Variants in CDH2 observed in about 807,000 individuals in gnomAD.
The protein encoded by CDH2 is cadherin-2.
In CDH2, 17 loss-of-function variants were observed where a neutral mutation model predicts 92.0. The observed-to-expected ratio is 0.18, with a 90% CI of 0.13 to 0.28. The LOEUF (loss-of-function observed/expected upper bound fraction) is 0.28. CDH2 is among the 10% of genes least tolerant of loss of function. The pLI, the probability that CDH2 is intolerant of heterozygous loss-of-function variation, is 1.00. For synonymous variants in CDH2, 419 were observed against 415.9 expected (o/e 1.01, Z -0.09); for missense variants, 862 against 1,133.1 (o/e 0.76, Z 3.44).
intron 2 of CDH2, among the ~76,000 whole-genome samples, chr18:28,105,265 AC>A (rs1223408163): frequency 3.9e-5 from 6 of 152,216 alleles, no homozygotes; most frequent in Non-Finnish European, 7.3e-5. Flanking sequence ...AATATAGATA[AC>A]CTTCCATGAC....
chr18:28,043,475 TATATATATATATATATATAA>T (rs1225093485), intron 2 of CDH2, among the ~76,000 whole-genome samples: 1,984 of 77,310 alleles, frequency 0.026, 41 homozygotes, highest in African/African-American at 0.071. Context: ...TATATATATA[TATATATATATATATATATAA>T]ATATATATAT....
intron 2 of CDH2, among the ~76,000 whole-genome samples, chr18:28,123,182 C>T (rs1287761030): frequency 6.6e-6 from 1 of 152,058 alleles, no homozygotes; most frequent in African/African-American, 2.4e-5. Context: ...AAAAGTCTCA[C>T]TAAAAGCAAA....
rs749470298 is a variant in CDH2, at chr18:27,993,481, AG to A, written c.1158+18del. 4.4e-6 allele frequency: 7 copies of A among 1,606,670 alleles called. No individual in the cohort carries two copies. Among genetic ancestry groups the A allele is most frequent in the African/African-American group, 1.3e-5 (1 of 74,708 alleles). On this transcript the variant is annotated intron_variant, in intron 8 of 15. Coordinates refer to ENST00000269141, the MANE Select transcript of CDH2 (RefSeq NM_001792.5). ...CGAACTACAGACCCAAAGTTGTGTGAGTGACAGGCTGTACTCACCGTCATGG... is the reference window on the plus strand; with the variant it reads ...CGAACTACAGACCCAAAGTTGTGTGATGACAGGCTGTACTCACCGTCATGG...
intron 1 of CDH2, among the ~76,000 whole-genome samples, chr18:28,148,256 T>C (rs2016068720): frequency 2.0e-5 from 3 of 152,164 alleles, no homozygotes; most frequent in South Asian, 2.1e-4. Flanking sequence ...AATAAAATTA[T>C]AATATACTTA....
At chr18:28,165,846 G>A (rs1019406588) in intron 1 of CDH2, among the ~76,000 whole-genome samples, 4 of 151,590 alleles carry the variant, frequency 2.6e-5, no homozygotes, top group Admixed American at 2.6e-4. Context: ...CAGAAATGAT[G>A]TACTTGATAA....
intron 4 of CDH2, among the ~76,000 whole-genome samples, chr18:28,010,264 A>G (rs893359241): frequency 2.0e-5 from 3 of 152,202 alleles, no homozygotes; most frequent in Non-Finnish European, 2.9e-5. Context: ...ATCAGTAACA[A>G]CAAGAATTAA....
rs17493493 is a variant in CDH2 at position 27,992,525 on chromosome 18, T to C, written c.1344+130A>G. 0.022 allele frequency: 15,324 copies of C among 684,056 alleles called. 294 individuals carry two copies. The highest frequency in any genetic ancestry group is 0.064 in the African/African-American group (3,624 of 56,332). The allele number at this position is 684,056 out of a possible 1,614,324, so 42.4% of individuals were successfully genotyped here. A position where few individuals can be genotyped will look rare whatever the true frequency, so the allele number is the denominator to read the frequency against. The stretch of plus-strand genomic sequence containing the variant: ...TAAGATATAACCTCCCAAATATATA[T>C]CAGACCCACATCTGGAGATGTCTGA... On this transcript the variant is annotated intron_variant, in intron 9 of 15. Coordinates refer to ENST00000269141, the MANE Select transcript of CDH2 (RefSeq NM_001792.5).
At chr18:28,030,525 T>C (rs1045199875) in intron 2 of CDH2, among the ~76,000 whole-genome samples, 1 of 151,832 alleles carries the variant, frequency 6.6e-6, no homozygotes, top group African/African-American at 2.4e-5. Context: ...AGAAAAAACC[T>C]GGCCAGGATC....
chr18:27,953,499 T>TA (rs1490800568), intron 15 of CDH2, among the ~76,000 whole-genome samples: 1 of 152,062 alleles, frequency 6.6e-6, no homozygotes, highest in Non-Finnish European at 1.5e-5. Flanking sequence ...TGGCCTCACC[T>TA]ATCTAAGATG....
chr18:28,104,136 T>G (rs2015282439), intron 2 of CDH2, among the ~76,000 whole-genome samples: 1 of 152,186 alleles, frequency 6.6e-6, no homozygotes, highest in Non-Finnish European at 1.5e-5. Flanking sequence ...GTTGTGTTAT[T>G]GATTTTTGTT....
chr18:28,159,448 T>G (rs974115893), intron 1 of CDH2, among the ~76,000 whole-genome samples: 8 of 152,220 alleles, frequency 5.3e-5, no homozygotes, highest in Non-Finnish European at 8.8e-5. Flanking sequence ...CTGATTCTGC[T>G]GGCTTACATT....
At chr18:28,127,686 G>C (rs963187791) in intron 2 of CDH2, among the ~76,000 whole-genome samples, 3 of 151,944 alleles carry the variant, frequency 2.0e-5, no homozygotes, top group African/African-American at 4.8e-5. Context: ...GAAAAAAACA[G>C]AGTTTATTAC....
rs137937864 is a variant in CDH2 at position 28,032,341 on chromosome 18, C to G, written c.173-18432G>C. 1.4e-4 allele frequency among the ~76,000 whole-genome samples: 21 copies of G among 152,192 alleles called. 1 individual carries two copies. In the East Asian group the frequency reaches 4.1e-3, roughly 29 times the overall value. On this transcript the variant is annotated intron_variant, in intron 2 of 15. Transcript: ENST00000269141. ...TTTGTGGGCTCAGCATCTGAACCATCAATTATAACCCTGCTTCAACGAGAA... is the reference window on the plus strand; with the variant it reads ...TTTGTGGGCTCAGCATCTGAACCATGAATTATAACCCTGCTTCAACGAGAA...
intron 2 of CDH2, among the ~76,000 whole-genome samples, chr18:28,086,224 A>G (rs780225366): frequency 1.1e-4 from 16 of 152,196 alleles, no homozygotes; most frequent in Non-Finnish European, 2.4e-4. Context: ...TAACAGGATT[A>G]TTATACTATT....
At chr18:28,157,948 T>C (rs1229986780) in intron 1 of CDH2, among the ~76,000 whole-genome samples, 1 of 152,186 alleles carries the variant, frequency 6.6e-6, no homozygotes, top group African/African-American at 2.4e-5. Context: ...TCAGAGGTGA[T>C]ATTGATGAAG....
intron 2 of CDH2, among the ~76,000 whole-genome samples, chr18:28,058,374 C>T (rs935912206): frequency 1.3e-5 from 2 of 152,092 alleles, no homozygotes; most frequent in Admixed American, 6.6e-5. Flanking sequence ...TGGGAGGGAC[C>T]ATAGAGTTCT....
At chr18:27,968,582 A>C in intron 14 of CDH2, among the ~76,000 whole-genome samples, 1 of 152,274 alleles carries the variant, frequency 6.6e-6, no homozygotes, top group South Asian at 2.1e-4. Context: ...TGACACATGG[A>C]GGAGAGGGGT....
chr18:28,085,453 T>C (rs956944712), intron 2 of CDH2, among the ~76,000 whole-genome samples: 3 of 152,046 alleles, frequency 2.0e-5, no homozygotes, highest in African/African-American at 4.8e-5. Context: ...CTCATTTCCA[T>C]CCTGCCCCTC....
intron 1 of CDH2, among the ~76,000 whole-genome samples, chr18:28,157,780 G>A (rs939755580): frequency 6.6e-6 from 1 of 151,750 alleles, no homozygotes; most frequent in African/African-American, 2.4e-5. Context: ...GTTCACTATG[G>A]AAAAAATTAG....
Sources: allele counts gnomAD v4.1 joint callset (sites outside exome capture counted in the v4.1 genomes callset), GRCh38; gene constraint gnomAD v4.1.1; transcripts MANE v1.5; gene names NCBI Gene and HGNC (gene_info 2026-07-23, HGNC 2026-07-21).